TMEM131L: variants seen among roughly 807,000 people sequenced by gnomAD.
The protein encoded by TMEM131L is transmembrane 131 like, also known as transmembrane protein 131-like.
Under a neutral mutation model 192.2 loss-of-function variants are expected in TMEM131L, and 54 were observed. The ratio of observed to expected loss-of-function variants is 0.28; its 90% CI spans 0.23 to 0.35. The LOEUF (loss-of-function observed/expected upper bound fraction) is 0.35. TMEM131L is among the 10% of genes least tolerant of loss of function. The pLI is 1.00. For missense variants in TMEM131L, 1,888 were observed against 1,972.9 expected, an observed-to-expected ratio of 0.96 and a Z score of 0.82; for synonymous variants, 701 against 704.9, an observed-to-expected ratio of 0.99 and a Z score of 0.09.
In TMEM131L at chr4:153,603,428, A is replaced by T. The variant is rs143401089; in HGVS notation, c.2765A>T (p.Asp922Val). ...SSSQQNNGPM[D>V]VISPHSYKSN... ...TCACAGCAAAACAATGGTCCTATGG[A>T]TGTAATCAGCCCCCATTCTTACAAG... Residue 922 changes from aspartate (D) to valine (V), a missense_variant, in exon 24 of 35, where the codon GAT (aspartate) becomes GTT (valine). Transcript: ENST00000409959. 5.0e-5 allele frequency: 80 copies of T among 1,613,988 alleles called. No individual in the cohort carries two copies. In the East Asian group the frequency reaches 1.8e-3, roughly 36 times the overall value.
At chr4:153,582,080 A>G (rs183857058) in intron 9 of TMEM131L, among the ~76,000 whole-genome samples, 1 of 152,244 alleles carries the variant, frequency 6.6e-6, no homozygotes, top group South Asian at 2.1e-4. Context: ...ACTTCCTAAG[A>G]ACTTTTTTCA....
Position 153,636,618 on chromosome 4 carries a change from G to A in TMEM131L, c.*42G>A. On this transcript the variant is annotated 3_prime_UTR_variant, in exon 35 of 35. Transcript: ENST00000409959. Reference sequence around the variant, plus strand: ...AAACAATGTGAATAAAGAGGCTTGTGTTTTGATTACTAGTGTAAACTGGTT... The same window carrying A: ...AAACAATGTGAATAAAGAGGCTTGTATTTTGATTACTAGTGTAAACTGGTT... 6.3e-7 allele frequency: 1 copy of A among 1,581,968 alleles called. No individual in the cohort carries two copies. The highest frequency in any genetic ancestry group is 1.3e-5 in the African/African-American group (1 of 74,228).
In TMEM131L at chr4:153,604,380, C is replaced by T. The variant is rs758460336; in HGVS notation, c.3368C>T (p.Ser1123Leu). Residue 1123 changes from serine (S) to leucine (L), a missense_variant, in exon 25 of 35, where the codon TCA becomes TTA. Ser to Leu is a moderately radical substitution (Grantham distance 145, BLOSUM62 -2). Transcript: ENST00000409959. ...KLPENHLPRNSPQYHQPDLPE... is the reference protein window; with the variant it reads ...KLPENHLPRNLPQYHQPDLPE... ...CCTGAAAACCATTTACCAAGAAACTCACCTCAGTACCACCAGCCAGACTTG... is the reference window on the plus strand; with the variant it reads ...CCTGAAAACCATTTACCAAGAAACTTACCTCAGTACCACCAGCCAGACTTG... The T allele has an allele frequency of 3.1e-6, 5 of 1,611,156 alleles. No homozygotes were observed. Among genetic ancestry groups the T allele is most frequent in the Non-Finnish European group, 4.2e-6 (5 of 1,179,206 alleles).
chr4:153,577,114 G>A (rs1730002824), intron 7 of TMEM131L, among the ~76,000 whole-genome samples: 1 of 152,096 alleles, frequency 6.6e-6, no homozygotes, highest in Non-Finnish European at 1.5e-5. Flanking sequence ...GGAGAGGTGG[G>A]TGGGTTGGAG....
At chr4:153,635,886 T>A (rs1226342415) in intron 34 of TMEM131L, among the ~76,000 whole-genome samples, 1 of 152,184 alleles carries the variant, frequency 6.6e-6, no homozygotes, top group Non-Finnish European at 1.5e-5. Flanking sequence ...CACAGCTGTC[T>A]TTATGTGGAC....
chr4:153,479,814 C>A, intron 3 of TMEM131L, among the ~76,000 whole-genome samples: 1 of 152,210 alleles, frequency 6.6e-6, no homozygotes, highest in Non-Finnish European at 1.5e-5. Flanking sequence ...CAATTGCAGA[C>A]AAGAACAACT....
chr4:153,623,465 C>G (rs1338153123), intron 29 of TMEM131L, among the ~76,000 whole-genome samples: 11 of 152,170 alleles, frequency 7.2e-5, no homozygotes, highest in Non-Finnish European at 4.4e-5. Context: ...TATTTTTTAT[C>G]TTGCAAAACT....
At chr4:153,626,423 C>T (rs930568447) in intron 30 of TMEM131L, among the ~76,000 whole-genome samples, 198 bp downstream of exon 30, 4 of 152,068 alleles carry the variant, frequency 2.6e-5, no homozygotes, top group African/African-American at 4.8e-5. Flanking sequence ...GCTCAGGTAT[C>T]GCTATTTTTT....
intron 16 of TMEM131L, among the ~76,000 whole-genome samples, chr4:153,589,784 T>C (rs1197060351): frequency 1.3e-5 from 2 of 152,200 alleles, no homozygotes; most frequent in Non-Finnish European, 2.9e-5. Flanking sequence ...TTCTCAAATA[T>C]TCCTCATCTA....
At chr4:153,612,863 C>A (rs1732730676) in intron 26 of TMEM131L, among the ~76,000 whole-genome samples, 1 of 152,022 alleles carries the variant, frequency 6.6e-6, no homozygotes, top group Non-Finnish European at 1.5e-5. Flanking sequence ...ACTAACTTTG[C>A]AGATCAAAAG....
At chr4:153,543,021 G>C (rs56725211) in intron 3 of TMEM131L, among the ~76,000 whole-genome samples, 51,697 of 152,082 alleles carry the variant, frequency 0.34, 10,766 homozygotes, top group African/African-American at 0.59. Context: ...ATCCCCAGGT[G>C]CTGTTATTAG....
At chr4:153,553,007 C>A (rs1015242152) in intron 4 of TMEM131L, among the ~76,000 whole-genome samples, 4 of 151,376 alleles carry the variant, frequency 2.6e-5, no homozygotes, top group African/African-American at 9.7e-5. Context: ...TATGGAGAGC[C>A]AACTGTATAT....
intron 2 of TMEM131L, among the ~76,000 whole-genome samples, chr4:153,469,429 A>T (rs994738620): frequency 2.6e-5 from 4 of 152,068 alleles, no homozygotes; most frequent in African/African-American, 9.7e-5. Flanking sequence ...AGTATTTTGA[A>T]TTTTTTCAGC....
At chr4:153,599,310 G>C (rs187750387) in intron 21 of TMEM131L, among the ~76,000 whole-genome samples, 4 of 152,204 alleles carry the variant, frequency 2.6e-5, no homozygotes, top group African/African-American at 9.6e-5. Context: ...AACCATGAGA[G>C]ACCACCGCCA....
rs534954114 is a variant in TMEM131L at position 153,618,308 on chromosome 4, C to T, written c.3568-2448C>T. On this transcript the variant is annotated intron_variant, in intron 26 of 34. Transcript: ENST00000409959. ...TGGGCAACACAGCAAGACCCCATCT[C>T]TGCAGAAAATAAAAAAAAAATAGCT... Among the ~76,000 whole-genome samples the T allele has an allele frequency of 4.0e-4, 61 of 151,772 alleles. 1 individual carries two copies. The highest frequency in any genetic ancestry group is 1.4e-3 in the African/African-American group (56 of 41,376).
chr4:153,635,794 C>G (rs1270760973), intron 34 of TMEM131L, among the ~76,000 whole-genome samples: 1 of 152,194 alleles, frequency 6.6e-6, no homozygotes, highest in Non-Finnish European at 1.5e-5. Context: ...ATTCTGGCCA[C>G]CCCAAATGAA....
At chr4:153,619,848 G>C (rs1733263005) in intron 26 of TMEM131L, among the ~76,000 whole-genome samples, 1 of 152,162 alleles carries the variant, frequency 6.6e-6, no homozygotes, top group African/African-American at 2.4e-5. Flanking sequence ...TCAGTAGGAA[G>C]GGGACTCTTC....
intron 7 of TMEM131L, chr4:153,558,914 A>G (rs1202500787): frequency 6.6e-6 from 1 of 152,238 alleles, no homozygotes; most frequent in East Asian, 1.9e-4. Flanking sequence ...TTTAATATAC[A>G]TTTCATGAAT....
In TMEM131L at chr4:153,602,717, T is replaced by C; in HGVS notation, c.2629T>C (p.Phe877Leu). Residue 877 changes from phenylalanine (F) to leucine (L), a missense_variant, in exon 23 of 35, where the codon TTC becomes CTC. Phe to Leu is a conservative substitution (Grantham distance 22). Transcript: ENST00000409959. ...WEESFWRLTV[F>L]FVSLSLLGVI... ...GGAGTCATTTTGGAGGCTCACGGTC[T>C]TCTTTGTCAGGTAAACCACTACTGT... 1 of 1,613,976 alleles carries C rather than the reference T, an allele frequency of 6.2e-7. No homozygotes were observed. The highest frequency in any genetic ancestry group is 1.7e-4 in the Middle Eastern group (1 of 6,054).
Sources: allele counts gnomAD v4.1 joint callset (sites outside exome capture counted in the v4.1 genomes callset), GRCh38; gene constraint gnomAD v4.1.1; transcripts MANE v1.5; gene names NCBI Gene and HGNC (gene_info 2026-07-23, HGNC 2026-07-21).